The following TGFBRAP1 variants were observed in gnomAD, a reference collection of about 807,000 sequenced individuals.
TGFBRAP1 encodes transforming growth factor beta receptor associated protein 1.
A neutral mutation model predicts 83.2 loss-of-function variants in TGFBRAP1; 20 were observed. The observed-to-expected ratio is 0.24, with a 90% CI of 0.17 to 0.35. The LOEUF (loss-of-function observed/expected upper bound fraction) is 0.35, where lower values mean the gene tolerates loss of function less well. Among genes scored for constraint, TGFBRAP1 ranks in the 10% least tolerant of loss-of-function variants. The pLI, the probability that TGFBRAP1 is intolerant of heterozygous loss-of-function variation, is 1.00. For missense variants in TGFBRAP1, 950 were observed against 1,099.4 expected (o/e 0.86, Z 1.92); for synonymous variants, 415 against 459.8 (o/e 0.90, Z 1.25).
chr2:105,252,141 A>T, the TGFBRAP1 span, among the ~76,000 whole-genome samples: 5 of 152,182 alleles, frequency 3.3e-5, no homozygotes, highest in South Asian at 2.1e-4. Context: ...ATCAATAAAA[A>T]AAATAAATAA....
chr2:105,324,809 G>A (rs750626616), intron 1 of TGFBRAP1, among the ~76,000 whole-genome samples: 5 of 152,150 alleles, frequency 3.3e-5, no homozygotes, highest in Non-Finnish European at 5.9e-5. Flanking sequence ...AGGCTGGGAA[G>A]GAGCACAGCC....
At chr2:105,257,224 T>A in the TGFBRAP1 span, among the ~76,000 whole-genome samples, 1 of 152,228 alleles carries the variant, frequency 6.6e-6, no homozygotes, top group African/African-American at 2.4e-5. Context: ...TCCGGACCCC[T>A]TTCTGGTAAC....
At chr2:105,277,165 G>A (rs557720864) in intron 7 of TGFBRAP1, among the ~76,000 whole-genome samples, 17 of 152,348 alleles carry the variant, frequency 1.1e-4, no homozygotes, top group African/African-American at 4.1e-4. Context: ...CGGACACATG[G>A]CCTCGGGCAA....
chr2:105,296,363 T>G lies in TGFBRAP1; in HGVS notation c.1031A>C (p.Lys344Thr). Residue 344 changes from lysine to threonine, a missense_variant, in exon 4 of 12, where the codon AAA (lysine) becomes ACA (threonine). Transcript: ENST00000393359. ...GACCAGTTAATTACAAACCTGAAAT[T>G]TTTCCTTTGGAATGTTCCTCCGGGC... The part of the protein sequence containing the change: ...KGARRNIPKE[K>T]FQVMYRRILQ... 6.2e-7 allele frequency: 1 copy of G among 1,613,616 alleles called. No individual in the cohort carries two copies. The highest frequency in any genetic ancestry group is 8.5e-7 in the Non-Finnish European group (1 of 1,179,918).
At chr2:105,275,759 G>A (rs1677319864) in intron 7 of TGFBRAP1, 56 bp from the exon 8 acceptor site, 7 of 1,533,288 alleles carry the variant, frequency 4.6e-6, no homozygotes, top group African/African-American at 1.4e-5. Context: ...AATCATAAAG[G>A]CACATATCTC....
At chr2:105,321,173 T>A (rs576579126) in intron 1 of TGFBRAP1, among the ~76,000 whole-genome samples, 22 of 151,846 alleles carry the variant, frequency 1.4e-4, no homozygotes, top group Non-Finnish European at 2.5e-4. Flanking sequence ...TATTTATTTT[T>A]TTTTTTTTTG....
chr2:105,259,049 T>C, the TGFBRAP1 span, among the ~76,000 whole-genome samples: 6 of 152,244 alleles, frequency 3.9e-5, no homozygotes, highest in Non-Finnish European at 8.8e-5. Flanking sequence ...GAGATAATGA[T>C]GGGTTTACAG....
intron 6 of TGFBRAP1, 126 bp from the exon 7 acceptor site, chr2:105,277,797 T>G: frequency 2.1e-6 from 2 of 935,802 alleles, no homozygotes; most frequent in Non-Finnish European, 3.4e-6. Context: ...CTCATGCCTG[T>G]AATCCCAACA....
chr2:105,252,719 G>C, the TGFBRAP1 span, among the ~76,000 whole-genome samples: 165 of 148,760 alleles, frequency 1.1e-3, no homozygotes, highest in African/African-American at 3.9e-3. Flanking sequence ...GCAGATACCA[G>C]CCCTTCCTGT....
intron 1 of TGFBRAP1, among the ~76,000 whole-genome samples, chr2:105,317,434 C>CA (rs1175634496): frequency 0.031 from 2,870 of 92,670 alleles, 65 homozygotes; most frequent in East Asian, 0.079. Flanking sequence ...AGACTCATCT[C>CA]AAAAAAAAAA....
chr2:105,275,764 T>C (rs1004816624), intron 7 of TGFBRAP1, 61 bp from the exon 8 acceptor site: 16 of 1,518,306 alleles, frequency 1.1e-5, no homozygotes, highest in Non-Finnish European at 1.3e-5. Flanking sequence ...TAAAGGCACA[T>C]ATCTCAGAAT....
chr2:105,297,880 T>G (rs1400869831), intron 3 of TGFBRAP1, among the ~76,000 whole-genome samples: 1 of 152,256 alleles, frequency 6.6e-6, no homozygotes, highest in Non-Finnish European at 1.5e-5. Context: ...GAAAGGTTTC[T>G]GGTGGTTTAC....
In TGFBRAP1 at chr2:105,281,664, T is replaced by C. The variant is rs553074535; in HGVS notation, c.1122-941A>G. Among the ~76,000 whole-genome samples, 5 of 152,212 alleles carry C rather than the reference T, an allele frequency of 3.3e-5. No homozygotes were observed. The East Asian group carries it at 9.6e-4, about 29-fold the overall frequency. On this transcript the variant is annotated intron_variant, in intron 5 of 11. Transcript: ENST00000393359. ...GCATTCAAGGCCCTTCCCAAACTGATCTCAAGCTACCCTACACCTTCAGCC... is the reference window on the plus strand; with the variant it reads ...GCATTCAAGGCCCTTCCCAAACTGACCTCAAGCTACCCTACACCTTCAGCC...
chr2:105,257,493 T>C, the TGFBRAP1 span, among the ~76,000 whole-genome samples: 390 of 152,320 alleles, frequency 2.6e-3, 3 homozygotes, highest in African/African-American at 7.1e-3. Context: ...AGGTGTCTCA[T>C]AGAAGTGGAA....
At chr2:105,329,119 GA>G (rs1227073293) in intron 1 of TGFBRAP1, among the ~76,000 whole-genome samples, 4 of 152,052 alleles carry the variant, frequency 2.6e-5, no homozygotes, top group African/African-American at 9.7e-5. Context: ...GCCTGAGTGT[GA>G]CCCGAATTTG....
At chr2:105,273,800 A>G in intron 8 of TGFBRAP1, 110 bp from the exon 9 acceptor site, 1 of 1,331,812 alleles carries the variant, frequency 7.5e-7, no homozygotes, top group South Asian at 1.5e-5. Flanking sequence ...CACTTAAAAT[A>G]TGATTAAATT....
intron 2 of TGFBRAP1, among the ~76,000 whole-genome samples, chr2:105,299,996 C>T (rs935756105): frequency 1.3e-5 from 2 of 152,148 alleles, no homozygotes; most frequent in African/African-American, 2.4e-5. Flanking sequence ...TGTCAACAGG[C>T]ACATGTAACA....
intron 1 of TGFBRAP1, among the ~76,000 whole-genome samples, chr2:105,317,360 C>G (rs1678917164): frequency 6.6e-6 from 1 of 151,716 alleles, no homozygotes; most frequent in Non-Finnish European, 1.5e-5. Flanking sequence ...TTGCTTGAAC[C>G]TGAGAGGCGG....
chr2:105,291,931 T>C (rs1377665932), intron 4 of TGFBRAP1, among the ~76,000 whole-genome samples: 1 of 152,216 alleles, frequency 6.6e-6, no homozygotes, highest in South Asian at 2.1e-4. Flanking sequence ...ATCCAGATTG[T>C]CATCAGATTT....
Sources: allele counts gnomAD v4.1 joint callset (sites outside exome capture counted in the v4.1 genomes callset), GRCh38; gene constraint gnomAD v4.1.1; transcripts MANE v1.5; gene names NCBI Gene and HGNC (gene_info 2026-07-23, HGNC 2026-07-21).